APBB2: variants seen among roughly 807,000 people sequenced by gnomAD.
The protein encoded by APBB2 is Fe65-like 1.
APBB2 carries 38 observed loss-of-function variants against 82.5 expected under a neutral mutation model. The ratio of observed to expected loss-of-function variants is 0.46; its 90% CI spans 0.36 to 0.60. The LOEUF (loss-of-function observed/expected upper bound fraction) is 0.60. Ranked by LOEUF, APBB2 falls within the 20% of genes least tolerant of loss-of-function variation. The pLI is 0.00. For synonymous variants in APBB2, 341 were observed against 368.2 expected (o/e 0.93, Z 0.85); for missense variants, 772 against 972.3 (o/e 0.79, Z 2.74).
chr4:41,187,168 A>C (rs1403379770), intron 1 of APBB2, among the ~76,000 whole-genome samples: 1 of 152,204 alleles, frequency 6.6e-6, no homozygotes, highest in African/African-American at 2.4e-5. Flanking sequence ...AATGATACAA[A>C]ATAAGATCTC....
At chr4:41,146,558 C>T (rs1179723264) in intron 1 of APBB2, among the ~76,000 whole-genome samples, 1 of 152,146 alleles carries the variant, frequency 6.6e-6, no homozygotes, top group Non-Finnish European at 1.5e-5. Context: ...AATCCTTCAT[C>T]GCTTATGTCC....
intron 10 of APBB2, among the ~76,000 whole-genome samples, chr4:40,934,019 CT>C (rs1784828231): frequency 1.3e-5 from 2 of 152,202 alleles, no homozygotes; most frequent in Admixed American, 6.5e-5. Flanking sequence ...ATTATCCAAT[CT>C]GTGTTTATGA....
chr4:40,845,877 G>T (rs1367304308), intron 12 of APBB2, among the ~76,000 whole-genome samples: 5 of 151,680 alleles, frequency 3.3e-5, no homozygotes, highest in Non-Finnish European at 5.9e-5. Context: ...TTATCCACAG[G>T]ACAATGAAGT....
At chr4:41,107,063 A>G (rs1747530337) in intron 2 of APBB2, among the ~76,000 whole-genome samples, 1 of 152,030 alleles carries the variant, frequency 6.6e-6, no homozygotes, top group Admixed American at 6.6e-5. Context: ...TCATCTTAGC[A>G]CTCTGGGAGG....
intron 3 of APBB2, among the ~76,000 whole-genome samples, chr4:41,085,449 T>C (rs1739319850): frequency 6.6e-6 from 1 of 152,192 alleles, no homozygotes; most frequent in Admixed American, 6.5e-5. Context: ...ACTGGTCCTC[T>C]AAGCTTTCAT....
intron 4 of APBB2, among the ~76,000 whole-genome samples, chr4:41,040,426 T>C (rs1223839218): frequency 5.3e-5 from 8 of 152,256 alleles, no homozygotes; most frequent in African/African-American, 1.9e-4. Flanking sequence ...GCTTATTATG[T>C]GCCAGGCATT....
At chr4:41,213,936 G>C (rs903039904) in intron 1 of APBB2, among the ~76,000 whole-genome samples, 2 of 152,216 alleles carry the variant, frequency 1.3e-5, no homozygotes, top group African/African-American at 4.8e-5. Context: ...GCACAGCGGA[G>C]GCCGGTGCCA....
At chr4:40,968,332 T>C (rs1418607560) in intron 6 of APBB2, among the ~76,000 whole-genome samples, 1 of 152,162 alleles carries the variant, frequency 6.6e-6, no homozygotes, top group Non-Finnish European at 1.5e-5. Flanking sequence ...TGCTCGTAGA[T>C]GCATGCTCTG....
intron 1 of APBB2, among the ~76,000 whole-genome samples, chr4:41,182,760 T>C (rs1771776462): frequency 6.6e-6 from 1 of 152,110 alleles, no homozygotes; most frequent in Admixed American, 6.5e-5. Flanking sequence ...GAAGGAGAAG[T>C]GCCAAGCCAA....
chr4:41,023,169 T>C (rs1196387385), intron 5 of APBB2, among the ~76,000 whole-genome samples: 1 of 152,194 alleles, frequency 6.6e-6, no homozygotes, highest in African/African-American at 2.4e-5. Flanking sequence ...CAAACATGAC[T>C]GTTCATCAGT....
At chr4:41,148,639 C>T (rs997691640) in intron 1 of APBB2, among the ~76,000 whole-genome samples, 1 of 152,234 alleles carries the variant, frequency 6.6e-6, no homozygotes, top group African/African-American at 2.4e-5. Context: ...AAGGAACATG[C>T]AGGCGGCACC....
At chr4:40,825,371 A>C (rs1749540017) in intron 15 of APBB2, among the ~76,000 whole-genome samples, 1 of 152,150 alleles carries the variant, frequency 6.6e-6, no homozygotes, top group Non-Finnish European at 1.5e-5. Context: ...AGCCTTTTTT[A>C]GCCCTGGTGA....
At chr4:40,947,225 C>G (rs1202258993) in intron 6 of APBB2, among the ~76,000 whole-genome samples, 1 of 152,124 alleles carries the variant, frequency 6.6e-6, no homozygotes, top group Non-Finnish European at 1.5e-5. Flanking sequence ...TTGGAGAAAA[C>G]CCTAGCAAGT....
At chr4:41,011,969 C>T (rs555242994) in intron 6 of APBB2, among the ~76,000 whole-genome samples, 6 of 152,106 alleles carry the variant, frequency 3.9e-5, no homozygotes, top group East Asian at 3.9e-4. Context: ...GTCAAGTGAT[C>T]CTCCTGCCTC....
At chr4:41,173,434 G>T (rs58379151) in intron 1 of APBB2, among the ~76,000 whole-genome samples, 1 of 152,218 alleles carries the variant, frequency 6.6e-6, no homozygotes, top group African/African-American at 2.4e-5. Flanking sequence ...GATTCCTATC[G>T]GCCAGGGGAG....
At chr4:41,065,381 A>G (rs981466966) in intron 4 of APBB2, among the ~76,000 whole-genome samples, 195 bp downstream of exon 4, 1 of 152,236 alleles carries the variant, frequency 6.6e-6, no homozygotes, top group African/African-American at 2.4e-5. Flanking sequence ...GGGCCACTTA[A>G]TTACAAAAAT....
intron 12 of APBB2, among the ~76,000 whole-genome samples, chr4:40,889,413 A>C (rs1415702411): frequency 6.6e-6 from 1 of 152,252 alleles, no homozygotes; most frequent in Admixed American, 6.5e-5. Flanking sequence ...TCAATAAAAA[A>C]GCAGAATGTT....
chr4:40,972,487 A>T (rs563155740), intron 6 of APBB2, among the ~76,000 whole-genome samples: 1 of 152,036 alleles, frequency 6.6e-6, no homozygotes, highest in Non-Finnish European at 1.5e-5. Flanking sequence ...TAATATATTT[A>T]ATTTGTCCAC....
chr4:41,131,004 T>C (rs1755815131), intron 2 of APBB2, among the ~76,000 whole-genome samples: 1 of 152,168 alleles, frequency 6.6e-6, no homozygotes, highest in East Asian at 1.9e-4. Context: ...CCCCTTATGC[T>C]TCTCAGGCCC....
Sources: allele counts gnomAD v4.1 joint callset (sites outside exome capture counted in the v4.1 genomes callset), GRCh38; gene constraint gnomAD v4.1.1; transcripts MANE v1.5; gene names NCBI Gene and HGNC (gene_info 2026-07-23, HGNC 2026-07-21).